The following MLIP variants were observed in gnomAD, a reference collection of about 807,000 sequenced individuals.
MLIP encodes muscular LMNA interacting protein.
A neutral mutation model predicts 84.8 loss-of-function variants in MLIP; 79 were observed. The observed-to-expected ratio is 0.93, with a 90% CI of 0.78 to 1.12. The LOEUF (loss-of-function observed/expected upper bound fraction) is 1.12. Ranked by LOEUF, MLIP falls within the 50% of genes most tolerant of loss-of-function variation. The pLI is 0.00. For synonymous variants in MLIP, 504 were observed against 463.0 expected, an observed-to-expected ratio of 1.09 and a Z score of -1.14; for missense variants, 1,257 against 1,160.6, an observed-to-expected ratio of 1.08 and a Z score of -1.21.
upstream of MLIP, among the ~76,000 whole-genome samples, chr6:54,107,359 C>A (rs565219439): frequency 2.0e-5 from 3 of 152,144 alleles, no homozygotes; most frequent in South Asian, 6.2e-4. Flanking sequence ...CAGATGAGGC[C>A]AAATTTAGAC....
In MLIP at chr6:54,215,366, A is replaced by G. The variant is rs1232502670; in HGVS notation, c.2718+13133A>G. ...TGAACTTCAATTTTATCCTACAAAA[A>G]TGGGGCTACTAATCACCATTTCTAA... On this transcript the variant is annotated intron_variant, in intron 11 of 13. Coordinates refer to ENST00000502396, the MANE Select transcript of MLIP (RefSeq NM_001281747.2). 5 of 1,308,618 alleles carry G rather than the reference A, an allele frequency of 3.8e-6. No individual in the cohort carries two copies. In the East Asian group the frequency reaches 1.5e-4, roughly 39 times the overall value. 81.1% of individuals were successfully genotyped at this position (1,308,618 alleles called of 1,614,324 possible).
At chr6:54,230,971 G>T in intron 12 of MLIP, 54 bp downstream of exon 12, 1 of 1,516,414 alleles carries the variant, frequency 6.6e-7, no homozygotes, top group Non-Finnish European at 9.1e-7. Context: ...CCTTCATTAC[G>T]CTTGACTTTT....
chr6:54,124,145 T>A (rs1286470844), intron 2 of MLIP, among the ~76,000 whole-genome samples: 1 of 152,210 alleles, frequency 6.6e-6, no homozygotes, highest in Non-Finnish European at 1.5e-5. Flanking sequence ...CCAATCCCCA[T>A]TTGTTTCACA....
At chr6:54,246,158 C>T (rs934266500) in intron 12 of MLIP, among the ~76,000 whole-genome samples, 7 of 152,060 alleles carry the variant, frequency 4.6e-5, no homozygotes, top group Non-Finnish European at 1.5e-5. Context: ...TGAGGGTGGG[C>T]CCTTCCTCAG....
intron 1 of MLIP, among the ~76,000 whole-genome samples, chr6:54,080,487 C>T (rs974225731): frequency 2.6e-4 from 40 of 151,214 alleles, no homozygotes; most frequent in African/African-American, 9.4e-4. Flanking sequence ...CTTATTTTTA[C>T]AATCATTTCA....
At chr6:54,063,047 CA>C (rs1002983623) in intron 1 of MLIP, among the ~76,000 whole-genome samples, 4 of 150,416 alleles carry the variant, frequency 2.7e-5, no homozygotes, top group Admixed American at 1.3e-4. Context: ...ACTAAAAATA[CA>C]AAAAAAAATT....
intron 1 of MLIP, among the ~76,000 whole-genome samples, chr6:54,101,141 A>G (rs1198021625): frequency 6.6e-6 from 1 of 152,162 alleles, no homozygotes; most frequent in Non-Finnish European, 1.5e-5. Flanking sequence ...ATTGTGGACA[A>G]GAGTCACAGG....
chr6:54,188,098 A>G (rs1250406854), intron 9 of MLIP, among the ~76,000 whole-genome samples: 1 of 152,224 alleles, frequency 6.6e-6, no homozygotes, highest in Non-Finnish European at 1.5e-5. Flanking sequence ...GTAAAAATAC[A>G]GTGTAAAAGA....
At chr6:54,249,756 C>T (rs1288410767) in intron 12 of MLIP, among the ~76,000 whole-genome samples, 3 of 151,030 alleles carry the variant, frequency 2.0e-5, no homozygotes, top group African/African-American at 2.4e-5. Context: ...TACACACACA[C>T]ATATATATAC....
At chr6:54,208,492 G>C (rs9474761) in intron 11 of MLIP, among the ~76,000 whole-genome samples, 7,089 of 152,154 alleles carry the variant, frequency 0.047, 520 homozygotes, top group African/African-American at 0.16. Context: ...AGGCTGAGGC[G>C]GGAGGATAGC....
At chr6:54,207,282 C>T (rs1338100190) in intron 11 of MLIP, among the ~76,000 whole-genome samples, 1 of 151,766 alleles carries the variant, frequency 6.6e-6, no homozygotes, top group Admixed American at 6.6e-5. Context: ...ATCATCAGCA[C>T]GATAAACTAG....
chr6:54,052,182 G>A (rs1164992898), intron 1 of MLIP, among the ~76,000 whole-genome samples: 2 of 152,114 alleles, frequency 1.3e-5, no homozygotes, highest in East Asian at 3.8e-4. Context: ...CACAGGTGTA[G>A]CCCTTTGCTC....
At chr6:54,036,926 G>A (rs1296424578) in intron 1 of MLIP, among the ~76,000 whole-genome samples, 2 of 151,958 alleles carry the variant, frequency 1.3e-5, no homozygotes, top group Non-Finnish European at 2.9e-5. Flanking sequence ...TCATAACTGG[G>A]GTGTTGGGAT....
Position 54,138,036 on chromosome 6 carries a change from A to G in MLIP, c.1967A>G (p.Asn656Ser), listed in dbSNP as rs1771968731. 1 of 1,535,670 alleles carries G rather than the reference A, an allele frequency of 6.5e-7. No homozygotes were observed. The highest frequency in any genetic ancestry group is 8.7e-7 in the Non-Finnish European group (1 of 1,146,818). ...AGTGCTGACTTTGCCTCTCTTCCCA[A>G]CTTGAGGTCCTCCTCTCTCCCTCAT... ...VSSADFASLP[N>S]LRSSSLPHAN... Residue 656 changes from asparagine (N) to serine (S), a missense_variant, in exon 4 of 14, where the codon AAC becomes AGC. Coordinates refer to ENST00000502396, the MANE Select transcript of MLIP (RefSeq NM_001281747.2).
At chr6:54,197,876 T>C (rs1429763237) in intron 10 of MLIP, among the ~76,000 whole-genome samples, 2 of 152,142 alleles carry the variant, frequency 1.3e-5, no homozygotes, top group Non-Finnish European at 2.9e-5. Flanking sequence ...TGGACACAGA[T>C]GTAACAAATT....
chr6:54,027,463 G>A (rs1459177876), intron 1 of MLIP, among the ~76,000 whole-genome samples: 1 of 150,970 alleles, frequency 6.6e-6, no homozygotes, highest in Non-Finnish European at 1.5e-5. Context: ...TTTTAAAAAT[G>A]GTTTCTTTTA....
intron 3 of MLIP, among the ~76,000 whole-genome samples, chr6:54,127,420 A>G (rs1301948355): frequency 1.3e-5 from 2 of 152,202 alleles, no homozygotes; most frequent in Non-Finnish European, 2.9e-5. Context: ...AATATTCAAA[A>G]GATTGCATAT....
In MLIP at chr6:54,138,204, C is replaced by T. The variant is rs1234543893; in HGVS notation, c.2135C>T (p.Pro712Leu). 1.3e-6 allele frequency: 2 copies of T among 1,536,006 alleles called. No individual in the cohort carries two copies. The highest frequency in any genetic ancestry group is 2.7e-5 in the African/African-American group (2 of 73,046). Residue 712 changes from proline to leucine, a missense_variant, in exon 4 of 14, where the codon CCC (proline) becomes CTC (leucine). By Grantham distance (98) the Pro-to-Leu change is moderately conservative. Coordinates refer to ENST00000502396, the MANE Select transcript of MLIP (RefSeq NM_001281747.2). Reference protein sequence around the residue: ...HRSPVSTPSLPISLTRTEELI... With the variant: ...HRSPVSTPSLLISLTRTEELI... ...TCACCTGTTTCAACCCCATCACTTC[C>T]CATATCTCTAACAAGGACAGAGGAG...
At chr6:54,184,610 T>A (rs984699719) in intron 9 of MLIP, among the ~76,000 whole-genome samples, 1 of 152,206 alleles carries the variant, frequency 6.6e-6, no homozygotes, top group Non-Finnish European at 1.5e-5. Flanking sequence ...TAGGAATTTG[T>A]CTTTCAATGG....
Sources: allele counts gnomAD v4.1 joint callset (sites outside exome capture counted in the v4.1 genomes callset), GRCh38; gene constraint gnomAD v4.1.1; transcripts MANE v1.5; gene names NCBI Gene and HGNC (gene_info 2026-07-23, HGNC 2026-07-21).